AGBL4: variants seen among roughly 807,000 people sequenced by gnomAD.
AGBL4 encodes cytosolic carboxypeptidase 6.
In AGBL4, 58 loss-of-function variants were observed where a neutral mutation model predicts 66.4. The observed-to-expected ratio is 0.87, with a 90% CI of 0.71 to 1.09. The LOEUF is 1.09. AGBL4 is among the 50% of genes least tolerant of loss of function. AGBL4 has a pLI of 0.00. For missense variants in AGBL4, 579 were observed against 631.0 expected (o/e 0.92, Z 0.88); for synonymous variants, 234 against 222.9 (o/e 1.05, Z -0.44).
At chr1:49,527,908 G>T (rs1346960024) in intron 3 of AGBL4, among the ~76,000 whole-genome samples, 2 of 152,070 alleles carry the variant, frequency 1.3e-5, no homozygotes, top group African/African-American at 2.4e-5. Flanking sequence ...CTCCACACCT[G>T]ATCCAAAGGA....
At chr1:49,616,838 G>A (rs1281563928) in intron 3 of AGBL4, among the ~76,000 whole-genome samples, 4 of 151,976 alleles carry the variant, frequency 2.6e-5, no homozygotes, top group Admixed American at 6.6e-5. Flanking sequence ...TCCAATCAAC[G>A]AATCTATTGG....
downstream of AGBL4, among the ~76,000 whole-genome samples, chr1:48,531,274 C>T (rs765417300): frequency 2.6e-5 from 4 of 152,098 alleles, no homozygotes; most frequent in Non-Finnish European, 5.9e-5. Context: ...AATTCAGAGA[C>T]AGTTCATATC....
intron 3 of AGBL4, among the ~76,000 whole-genome samples, chr1:49,247,579 C>T (rs1651742586): frequency 2.0e-5 from 3 of 151,982 alleles, no homozygotes; most frequent in Admixed American, 6.6e-5. Context: ...AGGGCATAAG[C>T]CCCCCCTTTT....
At chr1:49,918,326 G>A (rs1651798809) in intron 1 of AGBL4, among the ~76,000 whole-genome samples, 1 of 152,122 alleles carries the variant, frequency 6.6e-6, no homozygotes, top group Non-Finnish European at 1.5e-5. Context: ...CAACAAAAGT[G>A]ATAGACCGCT....
chr1:49,654,673 T>C (rs760915012), intron 3 of AGBL4, among the ~76,000 whole-genome samples: 13 of 152,218 alleles, frequency 8.5e-5, no homozygotes, highest in Non-Finnish European at 1.9e-4. Flanking sequence ...TTTATCATTA[T>C]ATAATGGCCT....
At chr1:50,008,524 G>A (rs570091812) in intron 1 of AGBL4, among the ~76,000 whole-genome samples, 3 of 152,110 alleles carry the variant, frequency 2.0e-5, no homozygotes, top group African/African-American at 7.2e-5. Context: ...GCAGTACTAA[G>A]AGGAGAGTTT....
chr1:49,201,094 T>C (rs1034011939), intron 4 of AGBL4, among the ~76,000 whole-genome samples: 1 of 152,192 alleles, frequency 6.6e-6, no homozygotes, highest in Non-Finnish European at 1.5e-5. Flanking sequence ...TATATCCTGA[T>C]AGCACAGATA....
intron 4 of AGBL4, among the ~76,000 whole-genome samples, chr1:49,225,130 C>T (rs549980303): frequency 2.0e-5 from 3 of 152,146 alleles, no homozygotes; most frequent in African/African-American, 7.2e-5. Context: ...TTTATTCATT[C>T]AATCAACCAG....
chr1:49,710,670 A>C (rs1285217103), intron 2 of AGBL4, among the ~76,000 whole-genome samples: 2 of 151,734 alleles, frequency 1.3e-5, no homozygotes, highest in African/African-American at 2.4e-5. Flanking sequence ...TGAGTAGGCA[A>C]AGATTTCTTA....
At chr1:49,164,530 A>G (rs1387589218) in intron 4 of AGBL4, among the ~76,000 whole-genome samples, 3 of 152,198 alleles carry the variant, frequency 2.0e-5, no homozygotes, top group African/African-American at 7.2e-5. Context: ...ACAAAGGCAT[A>G]TGAAAAAGAG....
chr1:48,649,001 A>G (rs1224329805), intron 8 of AGBL4, among the ~76,000 whole-genome samples: 3 of 152,240 alleles, frequency 2.0e-5, no homozygotes, highest in African/African-American at 7.2e-5. Flanking sequence ...ACTGTTGTTT[A>G]GTTCATTTGT....
chr1:49,605,258 G>A (rs1645042837), intron 3 of AGBL4, among the ~76,000 whole-genome samples: 1 of 152,162 alleles, frequency 6.6e-6, no homozygotes, highest in Non-Finnish European at 1.5e-5. Context: ...GACAAAGGAA[G>A]TGCTAAAATT....
At chr1:49,919,806 G>A (rs1355222793) in intron 1 of AGBL4, among the ~76,000 whole-genome samples, 1 of 152,140 alleles carries the variant, frequency 6.6e-6, no homozygotes, top group Non-Finnish European at 1.5e-5. Flanking sequence ...AAAGAACAAA[G>A]CTGGAGGCAT....
intron 4 of AGBL4, among the ~76,000 whole-genome samples, chr1:49,091,864 A>T (rs1163593860): frequency 1.3e-5 from 2 of 152,164 alleles, no homozygotes; most frequent in Non-Finnish European, 2.9e-5. Context: ...AATGAACAAA[A>T]TGATGTCCTT....
At chr1:49,083,495 C>A (rs968246194) in intron 4 of AGBL4, among the ~76,000 whole-genome samples, 1 of 152,254 alleles carries the variant, frequency 6.6e-6, no homozygotes, top group African/African-American at 2.4e-5. Context: ...AGGGCTGAAG[C>A]TGAACCTTGG....
intron 4 of AGBL4, among the ~76,000 whole-genome samples, chr1:49,060,830 A>G (rs1016354980): frequency 3.9e-5 from 6 of 152,194 alleles, no homozygotes; most frequent in African/African-American, 1.4e-4. Flanking sequence ...TGTTCACTGA[A>G]CTGAGCCCCC....
intron 3 of AGBL4, among the ~76,000 whole-genome samples, chr1:49,390,058 T>C (rs1644814747): frequency 6.6e-6 from 1 of 152,160 alleles, no homozygotes; most frequent in Non-Finnish European, 1.5e-5. Context: ...TCTTTCTCTC[T>C]GGTAAATTCA....
chr1:49,511,789 A>G (rs2148784705), intron 3 of AGBL4, among the ~76,000 whole-genome samples: 1 of 152,042 alleles, frequency 6.6e-6, no homozygotes, highest in Non-Finnish European at 1.5e-5. Flanking sequence ...GTTGGACAGA[A>G]TGACCTCTCT....
At position 49,405,087 on chromosome 1, in the gene AGBL4, C is replaced by G. The variant is rs534162469; in HGVS notation, c.283-159223G>C. ...TATTTAATCAACTTTTGCCTATTCTCTCAATGTCTACTTCAAATCATCATT... is the reference window on the plus strand; with the variant it reads ...TATTTAATCAACTTTTGCCTATTCTGTCAATGTCTACTTCAAATCATCATT... On this transcript the variant is annotated intron_variant, in intron 3 of 13. Coordinates refer to ENST00000371839, the MANE Select transcript of AGBL4 (RefSeq NM_032785.4). 8.0e-4 allele frequency among the ~76,000 whole-genome samples: 122 copies of G among 152,278 alleles called. 1 individual carries two copies. Among genetic ancestry groups the G allele is most frequent in the African/African-American group, 2.9e-3 (120 of 41,550 alleles).
Sources: gnomAD v4.1 joint callset for allele counts (sites outside exome capture counted in the v4.1 genomes callset) on GRCh38, gnomAD v4.1.1 for gene constraint, MANE v1.5 for transcripts, NCBI Gene and HGNC (gene_info 2026-07-23, HGNC 2026-07-21) for gene names.